The following MYOM3 variants were observed in gnomAD, a reference collection of about 807,000 sequenced individuals.
The protein encoded by MYOM3 is myomesin 3.
Under a neutral mutation model 191.7 loss-of-function variants are expected in MYOM3, and 155 were observed. The ratio of observed to expected loss-of-function variants is 0.81; its 90% CI spans 0.71 to 0.92. The LOEUF (loss-of-function observed/expected upper bound fraction) is 0.92. Among genes scored for constraint, MYOM3 ranks in the 40% least tolerant of loss-of-function variants. MYOM3 has a pLI of 0.00. For synonymous variants in MYOM3, 757 were observed against 762.9 expected (o/e 0.99, Z 0.13); for missense variants, 1,889 against 1,890.6 (o/e 1.00, Z 0.02).
intron 20 of MYOM3, 61 bp from the exon 21 acceptor site, chr1:24,076,334 C>G: frequency 2.4e-6 from 3 of 1,263,954 alleles, no homozygotes; most frequent in Non-Finnish European, 3.5e-6. Context: ...GAAACCTGGG[C>G]CCCAGGGAGC....
At chr1:24,092,921 T>C (rs141762788) in intron 10 of MYOM3, 26 bp downstream of exon 10, 2 of 1,489,898 alleles carry the variant, frequency 1.3e-6, no homozygotes, top group African/African-American at 2.8e-5. Flanking sequence ...CTCCTGCTGC[T>C]ACCCTGCGCC....
intron 22 of MYOM3, among the ~76,000 whole-genome samples, chr1:24,075,048 G>A (rs926102326): frequency 6.6e-6 from 1 of 151,454 alleles, no homozygotes. Flanking sequence ...TTGCACAGCC[G>A]GGGCAATAGA....
In MYOM3 at chr1:24,062,123, T is replaced by C; in HGVS notation, c.3771-14A>G. 1.2e-6 allele frequency: 2 copies of C among 1,613,490 alleles called. No homozygotes were observed. Among genetic ancestry groups the C allele is most frequent in the Non-Finnish European group, 1.7e-6 (2 of 1,179,746 alleles). ...AGACGTTTGTCTCTGAATGTGAGGG[T>C]GGAGAAATGGTTAAGGCTGCCTGTC... is the stretch of plus-strand genomic sequence containing the variant. On this transcript the variant is annotated splice_polypyrimidine_tract_variant and intron_variant, in intron 32 of 36. Transcript: ENST00000374434.
At chr1:24,058,830 G>T in intron 36 of MYOM3, 94 bp downstream of exon 36, 1 of 966,986 alleles carries the variant, frequency 1.0e-6, no homozygotes, top group Non-Finnish European at 1.6e-6. Flanking sequence ...CTTTGGCTTT[G>T]AATCCATGGT....
intron 9 of MYOM3, 98 bp downstream of exon 9, chr1:24,094,755 G>T: frequency 1.7e-6 from 2 of 1,209,242 alleles, no homozygotes; most frequent in Non-Finnish European, 1.2e-6. Context: ...GGTACTGGTT[G>T]GGGAGAGTCT....
At chr1:24,071,607 T>C (rs1334903790) in intron 24 of MYOM3, among the ~76,000 whole-genome samples, 2 of 152,164 alleles carry the variant, frequency 1.3e-5, no homozygotes, top group Non-Finnish European at 2.9e-5. Context: ...GGTGTCATCA[T>C]GGTTCTGTTG....
At chr1:24,065,473 C>T (rs999667226) in intron 29 of MYOM3, among the ~76,000 whole-genome samples, 2 of 152,100 alleles carry the variant, frequency 1.3e-5, no homozygotes, top group Admixed American at 6.6e-5. Context: ...CTTCCTGTCC[C>T]GACTCCTAGA....
At chr1:24,061,919 C>T in intron 33 of MYOM3, 27 bp downstream of exon 33, 1 of 1,613,384 alleles carries the variant, frequency 6.2e-7, no homozygotes, top group African/African-American at 1.3e-5. Context: ...AAGCAGGTTT[C>T]CCTGCAGACA....
intron 7 of MYOM3, among the ~76,000 whole-genome samples, chr1:24,097,372 CCT>C (rs1324459557): frequency 6.6e-6 from 1 of 152,172 alleles, no homozygotes; most frequent in African/African-American, 2.4e-5. Flanking sequence ...AAAGTTATCC[CCT>C]GAGAGAGCAA....
chr1:24,059,554 G>C (rs1305762409), intron 35 of MYOM3, among the ~76,000 whole-genome samples: 1 of 152,220 alleles, frequency 6.6e-6, no homozygotes, highest in Non-Finnish European at 1.5e-5. Flanking sequence ...GTGGTACCTG[G>C]AGGTGACCAT....
At position 24,057,322 on chromosome 1, in the gene MYOM3, G is replaced by T; in HGVS notation, c.*42C>A. 1 of 1,587,442 alleles carries T rather than the reference G, an allele frequency of 6.3e-7. No homozygotes were observed. Among genetic ancestry groups the T allele is most frequent in the Non-Finnish European group, 8.6e-7 (1 of 1,164,294 alleles). On this transcript the variant is annotated 3_prime_UTR_variant, in exon 37 of 37. Coordinates refer to ENST00000374434, the MANE Select transcript of MYOM3 (RefSeq NM_152372.4). ...ACCCTGGTACAGGTTGTCCCTACTG[G>T]TCCATGTAGACTAGACTCAGACTGT... is the stretch of plus-strand genomic sequence containing the variant.
At chr1:24,092,897 C>G in intron 10 of MYOM3, 50 bp downstream of exon 10, 1 of 1,442,576 alleles carries the variant, frequency 6.9e-7, no homozygotes. Context: ...AGGGGCAGAG[C>G]CCTGGTCTCT....
chr1:24,076,749 C>T lies in MYOM3; in HGVS notation c.2587-476G>A, dbSNP rs1287947370. 2.7e-5 allele frequency among the ~76,000 whole-genome samples: 2 copies of T among 75,324 alleles called. 1 individual carries two copies. Among genetic ancestry groups the T allele is most frequent in the Non-Finnish European group, 6.4e-5 (2 of 31,382 alleles). The allele number at this position is 75,324 out of a possible 152,430, so 49.4% of individuals were successfully genotyped here. ...CGGGATGGTCTCGATCTCCTGACCT[C>T]GTGATCCGCCCGCCTCGGCCTCCCA... On this transcript the variant is annotated intron_variant, in intron 20 of 36. Transcript: ENST00000374434.
rs1331525283 is a variant in MYOM3, at chr1:24,111,973, C to T, written c.-19+58G>A. 1.3e-5 allele frequency: 2 copies of T among 152,216 alleles called. No homozygotes were observed. Among genetic ancestry groups the T allele is most frequent in the Admixed American group, 6.5e-5 (1 of 15,270 alleles). The allele number at this position is 152,216 out of a possible 1,614,324, so 9.4% of individuals were successfully genotyped here. ...ACATGCACCCACAGATATCACTCCC[C>T]AGTGGCTGACTCTTAGGAGGCATCC... is the stretch of plus-strand genomic sequence containing the variant. On this transcript the variant is annotated intron_variant, in intron 1 of 36. Coordinates refer to ENST00000374434, the MANE Select transcript of MYOM3 (RefSeq NM_152372.4). The surrounding 1 kb of genome is among the most constrained non-coding windows in gnomAD (Gnocchi z 4.7).
Position 24,082,058 on chromosome 1 carries a change from C to T in MYOM3, c.2223G>A (p.Ser741=), listed in dbSNP as rs765937198. ...ILGYFLDQHD[S]EELDWHAVNQ... Reference sequence around the variant, plus strand: ...TGACCGCATGCCAGTCCAGCTCTTCCGAGTCATGCTGGTCCAGGAAGTAGC... The same window carrying T: ...TGACCGCATGCCAGTCCAGCTCTTCTGAGTCATGCTGGTCCAGGAAGTAGC... Residue 741 remains serine, a synonymous_variant, in exon 18 of 37, where the codon TCG becomes TCA. Coordinates refer to ENST00000374434, the MANE Select transcript of MYOM3 (RefSeq NM_152372.4). 2.0e-5 allele frequency: 33 copies of T among 1,612,778 alleles called. No individual in the cohort carries two copies. The highest frequency in any genetic ancestry group is 1.1e-4 in the East Asian group (5 of 44,882).
At chr1:24,105,619 C>T (rs1213039758) in intron 5 of MYOM3, among the ~76,000 whole-genome samples, 2 of 152,238 alleles carry the variant, frequency 1.3e-5, no homozygotes, top group African/African-American at 2.4e-5. Context: ...CTAAGCTGGG[C>T]GTGGTGGCTT....
intron 6 of MYOM3, among the ~76,000 whole-genome samples, chr1:24,098,507 C>A (rs1643890517): frequency 6.6e-6 from 1 of 152,238 alleles, no homozygotes; most frequent in East Asian, 1.9e-4. Flanking sequence ...ACCAGGCCAA[C>A]CCTGTCATGT....
chr1:24,072,532 G>C (rs536563263), intron 23 of MYOM3, among the ~76,000 whole-genome samples: 6 of 152,048 alleles, frequency 3.9e-5, no homozygotes, highest in Admixed American at 1.3e-4. Context: ...TCTTCTTCTT[G>C]TTCGTTTTTT....
chr1:24,082,645 C>G lies in MYOM3; in HGVS notation c.2040G>C (p.Gly680=), dbSNP rs745780770. The change falls in exon 17 of 37, where the codon GGG becomes GGC. Residue 680 remains glycine, a synonymous_variant. Transcript: ENST00000374434. ...EFCVRSVSEA[G]VGESSAATEP... ...CGGTGGCGGCTGAGCTCTCGCCTAC[C>G]CCAGCCTCGCTGACTGACCTGACAC... 9 of 1,612,584 alleles carry G rather than the reference C, an allele frequency of 5.6e-6. No individual in the cohort carries two copies. The highest frequency in any genetic ancestry group is 2.7e-5 in the African/African-American group (2 of 74,834).
Sources: allele counts gnomAD v4.1 joint callset (sites outside exome capture counted in the v4.1 genomes callset), GRCh38; gene constraint gnomAD v4.1.1; non-coding constraint Gnocchi (gnomAD v3.1); transcripts MANE v1.5; gene names NCBI Gene and HGNC (gene_info 2026-07-23, HGNC 2026-07-21).